CSPP1: variants seen among roughly 807,000 people sequenced by gnomAD.
CSPP1 encodes the protein centrosome and spindle pole-associated protein 1.
A neutral mutation model predicts 164.4 loss-of-function variants in CSPP1; 126 were observed. The ratio of observed to expected loss-of-function variants is 0.77; its 90% CI spans 0.66 to 0.89. The LOEUF (loss-of-function observed/expected upper bound fraction) is 0.89. CSPP1 is among the 40% of genes least tolerant of loss of function. The pLI, the probability that CSPP1 is intolerant of heterozygous loss-of-function variation, is 0.00. For missense variants in CSPP1, 1,395 were observed against 1,449.8 expected, an observed-to-expected ratio of 0.96 and a Z score of 0.61; for synonymous variants, 472 against 476.7, an observed-to-expected ratio of 0.99 and a Z score of 0.13.
At chr8:67,113,757 G>T in intron 10 of CSPP1, 48 bp from the exon 11 acceptor site, 1 of 941,140 alleles carries the variant, frequency 1.1e-6, no homozygotes, top group South Asian at 1.6e-5. Flanking sequence ...TTATAATTTT[G>T]ATAGTTTACT....
At chr8:67,186,771 C>G (rs1469913686) in intron 28 of CSPP1, among the ~76,000 whole-genome samples, 2 of 152,100 alleles carry the variant, frequency 1.3e-5, no homozygotes, top group Admixed American at 6.5e-5. Flanking sequence ...TATAGAAAAT[C>G]TGAAGGAATC....
intron 26 of CSPP1, 95 bp from the exon 27 acceptor site, chr8:67,177,585 G>T: frequency 1.3e-6 from 1 of 764,590 alleles, no homozygotes; most frequent in Non-Finnish European, 2.2e-6. Flanking sequence ...GTAATTTCCA[G>T]TAGAGAGCTA....
chr8:67,064,431 C>T lies in CSPP1; in HGVS notation c.-118C>T, dbSNP rs764383859. 3 of 1,613,936 alleles carry T rather than the reference C, an allele frequency of 1.9e-6. No homozygotes were observed. The highest frequency in any genetic ancestry group is 1.7e-5 in the Admixed American group (1 of 60,024). On this transcript the variant is annotated 5_prime_UTR_variant, in exon 1 of 31. Transcript: ENST00000678616. ...TCCCGCTCCAGGTGGCCGCTGTAAC[C>T]TCTTCGGTCCGCGACGATCCTCTAG...
At chr8:67,113,406 A>C (rs1201024277) in intron 10 of CSPP1, among the ~76,000 whole-genome samples, 1 of 152,214 alleles carries the variant, frequency 6.6e-6, no homozygotes, top group Non-Finnish European at 1.5e-5. Context: ...ATTTTTAAAA[A>C]AACCCTATTA....
rs540618275 is a variant in CSPP1 at position 67,105,542 on chromosome 8, A to T, written c.1023-363A>T. On this transcript the variant is annotated intron_variant, in intron 8 of 30. Coordinates refer to ENST00000678616, the MANE Select transcript of CSPP1 (RefSeq NM_001382391.1). The stretch of plus-strand genomic sequence containing the variant: ...ATTACAGGCCTCCACCACTGCACTC[A>T]GCTAATTTTTTTGTATTTTTTATTA... 2.0e-5 allele frequency among the ~76,000 whole-genome samples: 3 copies of T among 151,952 alleles called. No individual in the cohort carries two copies. The East Asian group carries it at 5.8e-4, about 30-fold the overall frequency.
chr8:67,076,829 T>A (rs1315937524), intron 3 of CSPP1, among the ~76,000 whole-genome samples: 2 of 152,174 alleles, frequency 1.3e-5, no homozygotes, highest in Non-Finnish European at 2.9e-5. Context: ...TAACATAACT[T>A]AAAAATTGAA....
intron 8 of CSPP1, 111 bp from the exon 9 acceptor site, chr8:67,105,794 A>T (rs995451441): frequency 2.4e-5 from 16 of 668,846 alleles, no homozygotes; most frequent in Non-Finnish European, 4.3e-5. Context: ...TTTAATGTCC[A>T]TAGTACTTTG....
Position 67,116,046 on chromosome 8 carries a change from G to C in CSPP1, c.1420G>C (p.Val474Leu). The change falls in exon 13 of 31, where the codon GTT becomes CTT. Residue 474 changes from valine to leucine, a missense_variant. Coordinates refer to ENST00000678616, the MANE Select transcript of CSPP1 (RefSeq NM_001382391.1). ...SAPSVPPIPS[V>L]HPVPSQNEDL... ...CCCATCTGTCCCACCCATCCCATCA[G>C]TTCATCCTGTTCCTTCTCAAAATGA... 1 of 1,614,082 alleles carries C rather than the reference G, an allele frequency of 6.2e-7. No homozygotes were observed. The highest frequency in any genetic ancestry group is 8.5e-7 in the Non-Finnish European group (1 of 1,179,982).
intron 15 of CSPP1, among the ~76,000 whole-genome samples, chr8:67,120,721 C>T (rs1818806433): frequency 6.6e-6 from 1 of 151,978 alleles, no homozygotes; most frequent in South Asian, 2.1e-4. Context: ...TATCCTGTTA[C>T]TTTACTGAAT....
chr8:67,064,519 TG>T lies in CSPP1; in HGVS notation c.-26del. 1 of 1,611,836 alleles carries T rather than the reference TG, an allele frequency of 6.2e-7. No homozygotes were observed. The highest frequency in any genetic ancestry group is 8.5e-7 in the Non-Finnish European group (1 of 1,179,346). ...TGAGTAAGAGTCAGCCAGCCGCGGA[TG>T]GGGAGCGTGAGTGGCGAGGTGTGGC... On this transcript the variant is annotated 5_prime_UTR_variant, in exon 1 of 31. It introduces an in-frame stop codon into an upstream open reading frame of the 5' UTR. Transcript: ENST00000678616.
rs1836036533 is a variant in CSPP1 at position 67,190,874 on chromosome 8, G to T, written c.3330+115G>T. ...GAGCACTTGCTTGAAATTCAGACAT[G>T]GGTCTGAATCTAGGCTCTGCCTTGA... On this transcript the variant is annotated intron_variant, in intron 29 of 30. Transcript: ENST00000678616. 8.2e-6 allele frequency: 6 copies of T among 732,456 alleles called. No homozygotes were observed. In the Admixed American group the frequency reaches 1.3e-4, roughly 16 times the overall value. The allele number at this position is 732,456 out of a possible 1,614,324, so 45.4% of individuals were successfully genotyped here. A position where few individuals can be genotyped will look rare whatever the true frequency, so the allele number is the denominator to read the frequency against.
chr8:67,140,319 A>T (rs1241586405), intron 17 of CSPP1, among the ~76,000 whole-genome samples: 1 of 152,152 alleles, frequency 6.6e-6, no homozygotes, highest in Non-Finnish European at 1.5e-5. Context: ...TCCTGACCTC[A>T]GGTGTCCCAC....
At chr8:67,159,288 CTTTCTGTAGGAGGTA>C in intron 21 of CSPP1, 151 bp downstream of exon 21, 2 of 719,982 alleles carry the variant, frequency 2.8e-6, no homozygotes, top group South Asian at 2.0e-5. Context: ...ATGTACTGAA[CTTTCTGTAGGAGGTA>C]CTGTCACTGT....
intron 28 of CSPP1, among the ~76,000 whole-genome samples, chr8:67,187,063 T>C (rs1214059453): frequency 6.6e-6 from 1 of 152,078 alleles, no homozygotes; most frequent in Non-Finnish European, 1.5e-5. Flanking sequence ...ACTGATGAAA[T>C]TGAAGGACTA....
In CSPP1 at chr8:67,103,068, C is replaced by G. The variant is rs1814486444; in HGVS notation, c.955C>G (p.Pro319Ala). The change falls in exon 8 of 31, where the codon CCT (proline) becomes GCT (alanine). Residue 319 changes from proline to alanine, a missense_variant. Pro to Ala is a conservative substitution (Grantham distance 27). Coordinates refer to ENST00000678616, the MANE Select transcript of CSPP1 (RefSeq NM_001382391.1). ...MHRNKRGNMP[P>A]MEHDGDVIEQ... The stretch of plus-strand genomic sequence containing the variant: ...CAGGAACAAACGAGGGAATATGCCT[C>G]CTATGGAACATGATGGGGATGTTAT... 1.2e-6 allele frequency: 2 copies of G among 1,611,588 alleles called. No individual in the cohort carries two copies. The highest frequency in any genetic ancestry group is 1.1e-5 in the South Asian group (1 of 91,024).
intron 24 of CSPP1, among the ~76,000 whole-genome samples, chr8:67,169,508 C>A (rs1320811783): frequency 6.6e-6 from 1 of 152,022 alleles, no homozygotes; most frequent in African/African-American, 2.4e-5. Context: ...GCATGATCTT[C>A]GGCTCACTGC....
At chr8:67,077,235 T>C (rs191936151) in intron 3 of CSPP1, among the ~76,000 whole-genome samples, 1 of 151,952 alleles carries the variant, frequency 6.6e-6, no homozygotes, top group Admixed American at 6.6e-5. Flanking sequence ...TTCAGTGTTA[T>C]CTTGAACTCC....
At chr8:67,070,017 G>A (rs768368405) in intron 1 of CSPP1, among the ~76,000 whole-genome samples, 4 of 150,612 alleles carry the variant, frequency 2.7e-5, no homozygotes, top group Non-Finnish European at 4.4e-5. Flanking sequence ...AAATATATGC[G>A]TTATCTCATC....
intron 24 of CSPP1, among the ~76,000 whole-genome samples, chr8:67,171,227 C>T (rs1160587894): frequency 6.6e-6 from 1 of 151,122 alleles, no homozygotes; most frequent in Non-Finnish European, 1.5e-5. Flanking sequence ...GGTGAAACCC[C>T]ATCTTTACTA....
Sources: allele counts gnomAD v4.1 joint callset (sites outside exome capture counted in the v4.1 genomes callset), GRCh38; gene constraint gnomAD v4.1.1; transcripts MANE v1.5; gene names NCBI Gene and HGNC (gene_info 2026-07-23, HGNC 2026-07-21).